Variants in CCDC22 observed in about 807,000 individuals in gnomAD.
CCDC22 encodes coiled-coil domain-containing protein 22.
CCDC22 carries 4 observed loss-of-function variants against 53.1 expected under a neutral mutation model. That is an observed-to-expected ratio of 0.08 (90% confidence interval 0.04 to 0.17). The LOEUF is 0.17. CCDC22 is among the 10% of genes least tolerant of loss of function. CCDC22 has a pLI of 1.00. For synonymous variants in CCDC22, 222 were observed against 224.4 expected, an observed-to-expected ratio of 0.99 and a Z score of 0.10; for missense variants, 458 against 554.0, an observed-to-expected ratio of 0.83 and a Z score of 1.74.
chrX:49,249,281 G>A lies in CCDC22; in HGVS notation c.1635+19G>A, dbSNP rs781945031. Reference sequence around the variant, plus strand: ...GTTCAAGGTGTGGGGCAGGTTGGGCGGGGGTGAGTGGGGTGAGGCTGGGCT... The same window carrying A: ...GTTCAAGGTGTGGGGCAGGTTGGGCAGGGGTGAGTGGGGTGAGGCTGGGCT... On this transcript the variant is annotated intron_variant, in intron 14 of 16. Transcript: ENST00000376227. 8.9e-6 allele frequency: 10 copies of A among 1,123,249 alleles called. No individual in the cohort carries two copies. The highest frequency in any genetic ancestry group is 3.0e-5 in the East Asian group (1 of 33,373). 92.6% of individuals were successfully genotyped at this position (1,123,249 alleles called of 1,213,427 possible).
intron 3 of CCDC22, 162 bp downstream of exon 3, chrX:49,242,310 G>C (rs2065967638): frequency 1.3e-6 from 1 of 751,268 alleles, no homozygotes; most frequent in Non-Finnish European, 1.6e-6. Flanking sequence ...ATCAGAGAGG[G>C]GCTACAGGGC....
intron 2 of CCDC22, among the ~76,000 whole-genome samples, chrX:49,239,085 TCTC>T (rs1557113104): frequency 3.6e-5 from 4 of 110,901 alleles, no homozygotes; most frequent in Non-Finnish European, 7.6e-5. Context: ...TTCCAGCAAT[TCTC>T]CTGCCTCAGC....
intron 6 of CCDC22, among the ~76,000 whole-genome samples, chrX:49,246,467 C>T: frequency 8.9e-6 from 1 of 111,873 alleles, no homozygotes; most frequent in Non-Finnish European, 1.9e-5. Flanking sequence ...TAGGCCCACC[C>T]CCCTCTCTTC....
chrX:49,237,702 C>T (rs782101955), intron 2 of CCDC22, among the ~76,000 whole-genome samples: 1 of 109,742 alleles, frequency 9.1e-6, no homozygotes, highest in African/African-American at 3.3e-5. Context: ...GGGTCATATA[C>T]TCCTAAACTA....
chrX:49,241,309 G>A (rs1326287036), intron 2 of CCDC22, among the ~76,000 whole-genome samples: 1 of 109,886 alleles, frequency 9.1e-6, no homozygotes, highest in Non-Finnish European at 1.9e-5. Context: ...CCAACATGGT[G>A]TAGCCCTGTC....
At chrX:49,242,184 G>C in intron 3 of CCDC22, 36 bp downstream of exon 3, 1 of 1,207,416 alleles carries the variant, frequency 8.3e-7, no homozygotes, top group Non-Finnish European at 1.1e-6. Flanking sequence ...GGGGCGGTGA[G>C]GGGAGAGGAG....
rs369964781 is a variant in CCDC22, at chrX:49,248,233, C to T, written c.1135C>T (p.Arg379Cys). 11 of 1,203,164 alleles carry T rather than the reference C, an allele frequency of 9.1e-6. No homozygotes were observed. The highest frequency in any genetic ancestry group is 3.0e-5 in the East Asian group (1 of 33,666). ...CRHSKLSTAEREQALRLKSRA... is the reference protein window; with the variant it reads ...CRHSKLSTAECEQALRLKSRA... Reference sequence around the variant, plus strand: ...GCACAGCAAGCTCAGTACAGCAGAGCGTGAGCAGGCCCTGCGCCTGAAGAG... The same window carrying T: ...GCACAGCAAGCTCAGTACAGCAGAGTGTGAGCAGGCCCTGCGCCTGAAGAG... Residue 379 changes from arginine (R) to cysteine (C), a missense_variant, in exon 10 of 17, where the codon CGT becomes TGT. Arg to Cys is a radical substitution (Grantham distance 180). Around this residue, in one of 4 missense-constraint regions of CCDC22, gnomAD observed 309 missense variants for 312.3 expected, o/e 0.99. Transcript: ENST00000376227.
chrX:49,247,998 G>A (rs2065999642), intron 9 of CCDC22, among the ~76,000 whole-genome samples, 193 bp from the exon 10 acceptor site: 1 of 110,846 alleles, frequency 9.0e-6, no homozygotes, highest in African/African-American at 3.3e-5. Flanking sequence ...GCAGGGGATT[G>A]AGGGGTCCTC....
At chrX:49,242,444 G>A (rs1166038251) in intron 3 of CCDC22, 9 of 403,263 alleles carry the variant, frequency 2.2e-5, no homozygotes, top group Non-Finnish European at 2.8e-5. Context: ...GGCCTCCTGG[G>A]TGCTACTCAA....
Position 49,243,166 on chromosome X carries a change from G to A in CCDC22, c.517G>A (p.Glu173Lys), listed in dbSNP as rs782145074. The A allele has an allele frequency of 2.4e-5, 29 of 1,210,391 alleles. No individual in the cohort carries two copies. The highest frequency in any genetic ancestry group is 1.1e-6 in the Non-Finnish European group (1 of 895,055). The change falls in exon 5 of 17, where the codon GAA becomes AAA. Residue 173 changes from glutamate (E) to lysine (K), a missense_variant. This residue lies in a region of CCDC22 where 309 missense variants were observed against 312.3 expected (regional missense o/e 0.99). Coordinates refer to ENST00000376227, the MANE Select transcript of CCDC22 (RefSeq NM_014008.5). ...CCATGCCAGCAGGCTGGTCGTGCCAGAATTGAGTTCCAGAGGTGGTGAGCA... is the reference window on the plus strand; with the variant it reads ...CCATGCCAGCAGGCTGGTCGTGCCAAAATTGAGTTCCAGAGGTGGTGAGCA... ...PFHASRLVVP[E>K]LSSRGEPREF...
chrX:49,236,292 C>T (rs1200408462), intron 1 of CCDC22, among the ~76,000 whole-genome samples: 2 of 109,041 alleles, frequency 1.8e-5, no homozygotes, highest in South Asian at 4.1e-4. Context: ...ACTGCAGCCT[C>T]CGCCTCCCAG....
rs2065931917 is a variant in CCDC22 at position 49,235,585 on chromosome X, C to G, written c.-52C>G. On this transcript the variant is annotated 5_prime_UTR_variant, in exon 1 of 17. Transcript: ENST00000376227. ...GCAGGGTTTCTACAGCTGCTCCCCA[C>G]TTTCTCGGACCCGGTCCTGGACCCA... 9.0e-7 allele frequency: 1 copy of G among 1,111,109 alleles called. No homozygotes were observed. The highest frequency in any genetic ancestry group is 1.8e-5 in the African/African-American group (1 of 55,266). The allele number at this position is 1,111,109 out of a possible 1,213,427, so 91.6% of individuals were successfully genotyped here.
intron 6 of CCDC22, among the ~76,000 whole-genome samples, chrX:49,245,973 TTTTTTTTTTG>T (rs1273278616): frequency 1.1e-4 from 4 of 34,895 alleles, no homozygotes; most frequent in Non-Finnish European, 4.6e-4. Context: ...TTTTGTTTTG[TTTTTTTTTTG>T]TTTTTTTTTG....
chrX:49,249,826 G>C, intron 16 of CCDC22, 101 bp downstream of exon 16: 1 of 736,919 alleles, frequency 1.4e-6, no homozygotes, highest in Non-Finnish European at 2.1e-6. Context: ...CCGATGGCTG[G>C]ACACCCAGCC....
chrX:49,238,885 A>G (rs889186140), intron 2 of CCDC22, among the ~76,000 whole-genome samples: 6 of 112,229 alleles, frequency 5.3e-5, no homozygotes, highest in Non-Finnish European at 9.4e-5. Flanking sequence ...CATTCTGATG[A>G]AACACTCACC....
Position 49,237,220 on chromosome X carries a change from C to G in CCDC22, c.185C>G (p.Ser62Cys). 1 of 1,211,334 alleles carries G rather than the reference C, an allele frequency of 8.3e-7. No individual in the cohort carries two copies. Residue 62 changes from serine to cysteine, a missense_variant, in exon 2 of 17, where the codon TCT becomes TGT. Ser to Cys is a moderately radical substitution (Grantham distance 112). Around this residue, in one of 4 missense-constraint regions of CCDC22, gnomAD observed 55 missense variants for 106.0 expected, o/e 0.52. Coordinates refer to ENST00000376227, the MANE Select transcript of CCDC22 (RefSeq NM_014008.5). ...AGCCCTCTGCTGCCTCTTGCCATGT[C>G]TGCCCGGTTCCGCCTGGCCATGAGC... ...GLSPLLPLAM[S>C]ARFRLAMSLA...
rs782311729 is a variant in CCDC22, at chrX:49,246,723, C to T, written c.715-8C>T. ...CACCTTCCTGCTTCCCCCGCCTTTT[C>T]TCCCCAGGAGGACACACGGGCTCAG... On this transcript the variant is annotated splice_region_variant and splice_polypyrimidine_tract_variant and intron_variant, in intron 6 of 16. Transcript: ENST00000376227. 1 of 1,128,471 alleles carries T rather than the reference C, an allele frequency of 8.9e-7. No homozygotes were observed. The allele number at this position is 1,128,471 out of a possible 1,213,427, so 93.0% of individuals were successfully genotyped here.
chrX:49,238,867 T>C (rs1322227048), intron 2 of CCDC22, among the ~76,000 whole-genome samples: 1 of 112,276 alleles, frequency 8.9e-6, no homozygotes, highest in African/African-American at 3.2e-5. Flanking sequence ...CTGTGCCTGG[T>C]AAAGAGCCAT....
At chrX:49,249,838 T>TC in intron 16 of CCDC22, 113 bp downstream of exon 16, 2 of 638,708 alleles carry the variant, frequency 3.1e-6, no homozygotes, top group Non-Finnish European at 2.5e-6. Flanking sequence ...CACCCAGCCC[T>TC]GCCCCTTAGT....
Sources: allele counts gnomAD v4.1 joint callset (sites outside exome capture counted in the v4.1 genomes callset), GRCh38; gene constraint gnomAD v4.1.1; regional missense constraint gnomAD v4.1.1; transcripts MANE v1.5; gene names NCBI Gene and HGNC (gene_info 2026-07-23, HGNC 2026-07-21).